Variants in SLC71A2 observed in about 807,000 individuals in gnomAD.
SLC71A2 encodes the protein solute carrier family 71 member 2, also known as hippocampus abundant transcript-like 1.
At chr9:94,454,249 T>C in the SLC71A2 span, among the ~76,000 whole-genome samples, 1 of 152,218 alleles carries the variant, frequency 6.6e-6, no homozygotes, top group African/African-American at 2.4e-5. Context: ...CAGGATTATT[T>C]ATAAAGACTA....
chr9:94,424,303 C>T, the SLC71A2 span, among the ~76,000 whole-genome samples: 120 of 151,850 alleles, frequency 7.9e-4, no homozygotes, highest in Non-Finnish European at 1.4e-3. Context: ...GGTGCGATCT[C>T]GGCTCACTGC....
At chr9:94,382,906 G>A in the SLC71A2 span, among the ~76,000 whole-genome samples, 1,721 of 152,234 alleles carry the variant, frequency 0.011, 112 homozygotes, top group Admixed American at 0.1. Flanking sequence ...CGCTAGCCAG[G>A]ATGGTCTCAA....
At chr9:94,454,839 T>A in the SLC71A2 span, among the ~76,000 whole-genome samples, 1 of 152,194 alleles carries the variant, frequency 6.6e-6, no homozygotes, top group African/African-American at 2.4e-5. Flanking sequence ...ATGTGCATTC[T>A]GCCGCAGTTA....
the SLC71A2 span, among the ~76,000 whole-genome samples, chr9:94,450,301 C>A: frequency 6.6e-6 from 1 of 152,098 alleles, no homozygotes; most frequent in African/African-American, 2.4e-5. Context: ...GTTTTTAAAA[C>A]TTCAAACAAA....
the SLC71A2 span, among the ~76,000 whole-genome samples, chr9:94,434,697 A>G: frequency 0.31 from 47,009 of 151,792 alleles, 7,609 homozygotes; most frequent in Admixed American, 0.44. Context: ...TCCTTGATCT[A>G]TTTCACTCCA....
the SLC71A2 span, chr9:94,459,360 T>G: frequency 6.2e-7 from 1 of 1,614,084 alleles, no homozygotes; most frequent in East Asian, 2.2e-5. Flanking sequence ...GACAGCAGCA[T>G]CTGGGAGCTC....
the SLC71A2 span, among the ~76,000 whole-genome samples, chr9:94,408,898 A>G: frequency 6.9e-6 from 1 of 145,926 alleles, no homozygotes; most frequent in Admixed American, 6.9e-5. Flanking sequence ...ATCTCTGCTC[A>G]CTGCAAGCTC....
the SLC71A2 span, among the ~76,000 whole-genome samples, chr9:94,448,776 G>A: frequency 1.3e-5 from 2 of 152,158 alleles, no homozygotes; most frequent in South Asian, 4.1e-4. Context: ...GGGATTATCG[G>A]TATGCACCAC....
chr9:94,423,136 C>T, the SLC71A2 span, among the ~76,000 whole-genome samples: 3 of 150,424 alleles, frequency 2.0e-5, no homozygotes, highest in African/African-American at 7.3e-5. Context: ...GGGGTTTCAC[C>T]ATGTTGGGCA....
chr9:94,384,786 G>T, the SLC71A2 span, among the ~76,000 whole-genome samples: 1 of 152,280 alleles, frequency 6.6e-6, no homozygotes, highest in African/African-American at 2.4e-5. Context: ...ATAGTATTAA[G>T]AGGTGGGACT....
At chr9:94,383,511 T>G in the SLC71A2 span, among the ~76,000 whole-genome samples, 1 of 152,070 alleles carries the variant, frequency 6.6e-6, no homozygotes, top group Non-Finnish European at 1.5e-5. Context: ...AGTCAGTCTC[T>G]GAACTCTTTA....
chr9:94,435,510 A>G, the SLC71A2 span, among the ~76,000 whole-genome samples: 81 of 152,308 alleles, frequency 5.3e-4, no homozygotes, highest in Admixed American at 1.2e-3. Context: ...TAGTTCTCCA[A>G]TCTAAAAACA....
chr9:94,378,636 TGTG>T, the SLC71A2 span, among the ~76,000 whole-genome samples: 1 of 152,018 alleles, frequency 6.6e-6, no homozygotes. Flanking sequence ...AATCAGATCT[TGTG>T]GTAACTAATG....
the SLC71A2 span, among the ~76,000 whole-genome samples, chr9:94,383,272 C>T: frequency 6.7e-6 from 1 of 148,224 alleles, no homozygotes; most frequent in East Asian, 2.0e-4. Flanking sequence ...AAGCGATTCT[C>T]CTGCCTCAGC....
chr9:94,401,431 C>CA, the SLC71A2 span, among the ~76,000 whole-genome samples: 4 of 152,060 alleles, frequency 2.6e-5, no homozygotes, highest in Non-Finnish European at 5.9e-5. Flanking sequence ...CTGGGCCTCC[C>CA]AAAGTCCTGG....
At chr9:94,375,048 T>A in the SLC71A2 span, 1 of 608,202 alleles carries the variant, frequency 1.6e-6, no homozygotes, top group African/African-American at 2.0e-5. Flanking sequence ...TCGGTCCTTT[T>A]CTGGGGGGGG....
the SLC71A2 span, among the ~76,000 whole-genome samples, chr9:94,390,860 A>G: frequency 1.3e-5 from 2 of 152,122 alleles, no homozygotes; most frequent in Non-Finnish European, 2.9e-5. Flanking sequence ...GAGTACCTCA[A>G]TTCAAAGGCT....
chr9:94,424,201 C>G, the SLC71A2 span, among the ~76,000 whole-genome samples: 1 of 151,964 alleles, frequency 6.6e-6, no homozygotes, highest in Non-Finnish European at 1.5e-5. Flanking sequence ...TGTGCCAACA[C>G]CATCCTGTGT....
the SLC71A2 span, among the ~76,000 whole-genome samples, chr9:94,384,520 T>C: frequency 6.6e-6 from 1 of 152,008 alleles, no homozygotes; most frequent in Non-Finnish European, 1.5e-5. Context: ...TTGTATTTTT[T>C]GTAGAGTTGC....
Sources: gnomAD v4.1 joint callset for allele counts (sites outside exome capture counted in the v4.1 genomes callset) on GRCh38, gnomAD v4.1.1 for gene constraint, MANE v1.5 for transcripts, NCBI Gene and HGNC (gene_info 2026-07-23, HGNC 2026-07-21) for gene names.